The following AHCYL2 variants were observed in gnomAD, a reference collection of about 807,000 sequenced individuals.
AHCYL2 encodes adenosylhomocysteinase like 2, also known as S-adenosylhomocysteine hydrolase-like protein 2.
In AHCYL2, 28 loss-of-function variants were observed where a neutral mutation model predicts 81.4. The observed-to-expected ratio is 0.34, with a 90% CI of 0.25 to 0.47. The LOEUF is 0.47. Ranked by LOEUF, AHCYL2 falls within the 20% of genes least tolerant of loss-of-function variation. The pLI is 1.00. For synonymous variants in AHCYL2, 272 were observed against 290.2 expected (o/e 0.94, Z 0.64); for missense variants, 551 against 785.1 (o/e 0.70, Z 3.56).
At chr7:129,371,279 G>T (rs886447288) in intron 1 of AHCYL2, among the ~76,000 whole-genome samples, 2 of 152,194 alleles carry the variant, frequency 1.3e-5, no homozygotes, top group East Asian at 3.8e-4. Context: ...GAAAAATTTA[G>T]CAGAGAAGGT....
rs146571329 is a variant in AHCYL2 at position 129,246,841 on chromosome 7, T to G, written c.363+21402T>G. On this transcript the variant is annotated intron_variant, in intron 1 of 16. Transcript: ENST00000325006. ...AAATTATACAATATGGGGTCTTTTG[T>G]GTGTGGCTTTTCCACTTGATGTAAT... 4.4e-3 allele frequency among the ~76,000 whole-genome samples: 665 copies of G among 152,272 alleles called. 5 individuals carry two copies. Among genetic ancestry groups the G allele is most frequent in the African/African-American group, 0.015 (618 of 41,552 alleles).
At chr7:129,306,299 C>T (rs1339643398) in intron 1 of AHCYL2, among the ~76,000 whole-genome samples, 1 of 151,844 alleles carries the variant, frequency 6.6e-6, no homozygotes, top group Non-Finnish European at 1.5e-5. Context: ...CTTTTGTCTC[C>T]TCTGGGTGTG....
At chr7:129,304,665 C>A (rs1195106547) in intron 1 of AHCYL2, among the ~76,000 whole-genome samples, 2 of 151,996 alleles carry the variant, frequency 1.3e-5, no homozygotes, top group African/African-American at 2.4e-5. Context: ...TAGTTTTTGT[C>A]TTGAAATCTA....
chr7:129,349,100 T>C (rs200871728), intron 1 of AHCYL2, among the ~76,000 whole-genome samples: 1 of 152,186 alleles, frequency 6.6e-6, no homozygotes, highest in African/African-American at 2.4e-5. Context: ...AGGCAAGTAA[T>C]TTAAACTTTC....
At chr7:129,395,828 A>G (rs547469785) in intron 4 of AHCYL2, among the ~76,000 whole-genome samples, 6 of 152,284 alleles carry the variant, frequency 3.9e-5, no homozygotes, top group African/African-American at 1.2e-4. Flanking sequence ...GGAGCTTCAA[A>G]AAATTCCACA....
intron 1 of AHCYL2, among the ~76,000 whole-genome samples, chr7:129,366,776 C>CAAA (rs59464433): frequency 2.7e-4 from 38 of 138,336 alleles, no homozygotes; most frequent in African/African-American, 8.6e-4. Context: ...AACTCTGTCT[C>CAAA]AAAAAAAAAA....
intron 1 of AHCYL2, among the ~76,000 whole-genome samples, chr7:129,296,522 A>T (rs1451212772): frequency 1.3e-5 from 2 of 152,156 alleles, no homozygotes; most frequent in Non-Finnish European, 2.9e-5. Flanking sequence ...CAGCCTGGGC[A>T]ACATACTGAG....
chr7:129,227,071 C>CTTTTGGGTACTTTTGGGTA (rs1168962265), intron 1 of AHCYL2, among the ~76,000 whole-genome samples: 1 of 152,158 alleles, frequency 6.6e-6, no homozygotes, highest in Non-Finnish European at 1.5e-5. Context: ...CTAGTACCCC[C>CTTTTGGGTACTTTTGGGTA]ATTACTACCT....
chr7:129,399,272 C>T (rs1486691351), intron 5 of AHCYL2, among the ~76,000 whole-genome samples: 3 of 151,180 alleles, frequency 2.0e-5, no homozygotes. Context: ...TATGGTGAAA[C>T]CCCGTCTTTA....
chr7:129,302,592 G>A (rs952513599), intron 1 of AHCYL2, among the ~76,000 whole-genome samples: 4 of 152,168 alleles, frequency 2.6e-5, no homozygotes, highest in Middle Eastern at 3.2e-3. Context: ...TTTATCAAAT[G>A]CTTTTTCAGC....
intron 1 of AHCYL2, among the ~76,000 whole-genome samples, chr7:129,264,932 G>C (rs1263811545): frequency 6.6e-6 from 1 of 152,158 alleles, no homozygotes; most frequent in African/African-American, 2.4e-5. Flanking sequence ...TATTGTATAT[G>C]AGTTTATTTT....
At chr7:129,300,277 T>TC (rs1008561407) in intron 1 of AHCYL2, among the ~76,000 whole-genome samples, 6 of 151,764 alleles carry the variant, frequency 4.0e-5, no homozygotes, top group Non-Finnish European at 7.4e-5. Flanking sequence ...CATCCCCGCC[T>TC]CCCCCCCAGC....
intron 1 of AHCYL2, among the ~76,000 whole-genome samples, chr7:129,230,055 T>A (rs1260668444): frequency 1.3e-5 from 2 of 151,882 alleles, no homozygotes; most frequent in East Asian, 3.8e-4. Context: ...ACTTAGAGCT[T>A]TACATATACT....
At chr7:129,367,054 C>G (rs914368177) in intron 1 of AHCYL2, among the ~76,000 whole-genome samples, 3 of 152,120 alleles carry the variant, frequency 2.0e-5, no homozygotes, top group Admixed American at 2.0e-4. Context: ...TTTTGATTGG[C>G]CTCTTCAAAG....
intron 1 of AHCYL2, among the ~76,000 whole-genome samples, chr7:129,276,827 C>G (rs1796227157): frequency 6.8e-6 from 1 of 147,140 alleles, no homozygotes; most frequent in African/African-American, 2.5e-5. Context: ...TAAAATAAGA[C>G]AAAGCCCTGC....
chr7:129,253,941 T>C (rs1265584224), intron 1 of AHCYL2, among the ~76,000 whole-genome samples: 1 of 152,206 alleles, frequency 6.6e-6, no homozygotes, highest in Non-Finnish European at 1.5e-5. Context: ...CTATTATGAT[T>C]TAGTTAATCA....
At chr7:129,318,248 A>G (rs1366452056) in intron 1 of AHCYL2, among the ~76,000 whole-genome samples, 4 of 152,240 alleles carry the variant, frequency 2.6e-5, no homozygotes, top group African/African-American at 4.8e-5. Flanking sequence ...TATGACTTCT[A>G]TCAAACAAAT....
intron 1 of AHCYL2, among the ~76,000 whole-genome samples, chr7:129,306,341 GTTC>G (rs1192664886): frequency 1.3e-5 from 2 of 151,944 alleles, no homozygotes; most frequent in East Asian, 1.9e-4. Flanking sequence ...CAGGCTCACA[GTTC>G]TTCTGCTTGA....
chr7:129,375,774 A>G (rs1161752042), intron 1 of AHCYL2: 2 of 1,515,060 alleles, frequency 1.3e-6, no homozygotes, highest in Non-Finnish European at 8.8e-7. Flanking sequence ...GCTGGCTGGA[A>G]CCAGAGCCAA....
Sources: gnomAD v4.1 joint callset for allele counts (sites outside exome capture counted in the v4.1 genomes callset) on GRCh38, gnomAD v4.1.1 for gene constraint, MANE v1.5 for transcripts, NCBI Gene and HGNC (gene_info 2026-07-23, HGNC 2026-07-21) for gene names.